Variants in MYOM1 observed in about 807,000 individuals in gnomAD.
MYOM1 encodes the protein myomesin 1, also known as myomesin-1.
A neutral mutation model predicts 205.3 loss-of-function variants in MYOM1; 164 were observed. That is an observed-to-expected ratio of 0.80 (90% CI 0.70 to 0.91). The LOEUF (loss-of-function observed/expected upper bound fraction) is 0.91, where lower values mean the gene tolerates loss of function less well. MYOM1 is among the 40% of genes least tolerant of loss of function. MYOM1 has a pLI of 0.00. For synonymous variants in MYOM1, 772 were observed against 789.4 expected, an observed-to-expected ratio of 0.98 and a Z score of 0.37; for missense variants, 2,011 against 2,127.3, an observed-to-expected ratio of 0.95 and a Z score of 1.08.
At chr18:3,214,099 T>C (rs1365432420) in intron 2 of MYOM1, among the ~76,000 whole-genome samples, 2 of 152,258 alleles carry the variant, frequency 1.3e-5, no homozygotes, top group South Asian at 2.1e-4. Context: ...TTTTATCAAA[T>C]GGTCGAGCTA....
intron 34 of MYOM1, among the ~76,000 whole-genome samples, chr18:3,077,393 A>G (rs2079031759): frequency 6.6e-6 from 1 of 152,182 alleles, no homozygotes. Flanking sequence ...TTTTAAGTCT[A>G]GAGAATGCTT....
chr18:3,125,562 C>CA (rs112746940), intron 19 of MYOM1, among the ~76,000 whole-genome samples: 242 of 73,034 alleles, frequency 3.3e-3, no homozygotes, highest in Non-Finnish European at 4.4e-3. Context: ...AACTCCATCT[C>CA]AAAAAAAAAA....
chr18:3,111,928 T>A (rs2079532960), intron 22 of MYOM1, among the ~76,000 whole-genome samples: 1 of 152,236 alleles, frequency 6.6e-6, no homozygotes, highest in Admixed American at 6.5e-5. Context: ...CTAGCTGGGC[T>A]GTTCTAGCTT....
the MYOM1 span, among the ~76,000 whole-genome samples, chr18:3,242,788 C>A: frequency 6.6e-6 from 1 of 152,210 alleles, no homozygotes; most frequent in African/African-American, 2.4e-5. Flanking sequence ...GGATTACAGG[C>A]ATGAGCCTCT....
intron 29 of MYOM1, among the ~76,000 whole-genome samples, chr18:3,088,684 T>C (rs1283026331): frequency 6.6e-6 from 1 of 152,210 alleles, no homozygotes; most frequent in African/African-American, 2.4e-5. Flanking sequence ...TTCCTGAATC[T>C]TTCCAAAGTC....
chr18:3,139,744 G>A (rs2080022506), intron 14 of MYOM1, among the ~76,000 whole-genome samples: 1 of 152,194 alleles, frequency 6.6e-6, no homozygotes, highest in Non-Finnish European at 1.5e-5. Flanking sequence ...ACATAGTACT[G>A]TGTTCATAAA....
intron 14 of MYOM1, among the ~76,000 whole-genome samples, chr18:3,139,489 C>T (rs911829568): frequency 1.6e-4 from 24 of 152,152 alleles, no homozygotes; most frequent in Non-Finnish European, 2.9e-4. Context: ...ACAGCGGTGG[C>T]CCAAGAGGCA....
At chr18:3,188,603 TG>T (rs1196298194) in intron 4 of MYOM1, 144 bp downstream of exon 4, 2 of 922,964 alleles carry the variant, frequency 2.2e-6, no homozygotes, top group African/African-American at 1.7e-5. Flanking sequence ...CACTCCAACC[TG>T]GGGGACAGAG....
At chr18:3,136,075 A>C (rs2079957197) in intron 14 of MYOM1, among the ~76,000 whole-genome samples, 1 of 151,864 alleles carries the variant, frequency 6.6e-6, no homozygotes, top group African/African-American at 2.4e-5. Flanking sequence ...AAGTCTCATG[A>C]GAGCTGATGG....
chr18:3,149,911 T>C lies in MYOM1; in HGVS notation c.1844-710A>G, dbSNP rs574247421. Reference sequence around the variant, plus strand: ...TTAGTTCAAACAAATCTTATTTTGATTGGAATTGATAAAAGAGGAGCAAAC... The same window carrying C: ...TTAGTTCAAACAAATCTTATTTTGACTGGAATTGATAAAAGAGGAGCAAAC... On this transcript the variant is annotated intron_variant, in intron 12 of 37. Coordinates refer to ENST00000356443, the MANE Select transcript of MYOM1 (RefSeq NM_003803.4). Among the ~76,000 whole-genome samples the C allele has an allele frequency of 3.3e-5, 5 of 152,124 alleles. No homozygotes were observed. The South Asian group carries it at 8.3e-4, about 25-fold the overall frequency.
intron 2 of MYOM1, among the ~76,000 whole-genome samples, chr18:3,214,403 A>G (rs1359615864): frequency 1.3e-5 from 2 of 152,216 alleles, no homozygotes; most frequent in African/African-American, 2.4e-5. Flanking sequence ...CTCGCCCGTG[A>G]GAACACCAGG....
In MYOM1 at chr18:3,214,973, C is replaced by T. The variant is rs756788476; in HGVS notation, c.251G>A (p.Arg84Gln). 8.7e-6 allele frequency: 14 copies of T among 1,608,780 alleles called. No homozygotes were observed. Among genetic ancestry groups the T allele is most frequent in the African/African-American group, 1.3e-5 (1 of 74,782 alleles). ...ATAATCGTAGGCTGAGGCTGCCTTC[C>T]GACTGACTTCAGAGCTCAGGGCGTG... ...SQHALSSEVS[R>Q]KAASAYDYGS... Residue 84 changes from arginine to glutamine, a missense_variant, in exon 2 of 38, where the codon CGG becomes CAG. Transcript: ENST00000356443.
the MYOM1 span, among the ~76,000 whole-genome samples, chr18:3,235,740 G>A: frequency 6.6e-6 from 1 of 152,228 alleles, no homozygotes; most frequent in East Asian, 1.9e-4. Context: ...TGCCTGGTGT[G>A]TTGGAAGTAA....
At chr18:3,202,428 T>C (rs977215685) in intron 2 of MYOM1, among the ~76,000 whole-genome samples, 1 of 152,052 alleles carries the variant, frequency 6.6e-6, no homozygotes, top group African/African-American at 2.4e-5. Flanking sequence ...AATCCACTTA[T>C]ATGCTGCCAC....
At chr18:3,121,699 A>C (rs1297542907) in intron 19 of MYOM1, among the ~76,000 whole-genome samples, 1 of 152,218 alleles carries the variant, frequency 6.6e-6, no homozygotes, top group Non-Finnish European at 1.5e-5. Context: ...ATAACTTCAG[A>C]CTTTAAGTTG....
intron 22 of MYOM1, 107 bp from the exon 23 acceptor site, chr18:3,102,737 C>G: frequency 1.7e-6 from 2 of 1,183,614 alleles, no homozygotes; most frequent in Non-Finnish European, 2.4e-6. Context: ...GGCCCTGATC[C>G]TAGGTCAGGG....
At position 3,129,376 on chromosome 18, in the gene MYOM1, G is replaced by C; in HGVS notation, c.2650C>G (p.Leu884Val). 1.9e-6 allele frequency: 3 copies of C among 1,614,012 alleles called. No homozygotes were observed. The highest frequency in any genetic ancestry group is 2.5e-6 in the Non-Finnish European group (3 of 1,179,880). ...CCCAGGTTTTGAGAGCTACTGGGTA[G>C]TGAAGGTTTGTTAGGTTTGCTGCCA... Reference protein sequence around the residue: ...LLGSKPNKPSLPSSSQNLGQT... With the variant: ...LLGSKPNKPSVPSSSQNLGQT... The change falls in exon 18 of 38, where the codon CTA (leucine) becomes GTA (valine). Residue 884 changes from leucine to valine, a missense_variant. Coordinates refer to ENST00000356443, the MANE Select transcript of MYOM1 (RefSeq NM_003803.4).
the MYOM1 span, among the ~76,000 whole-genome samples, chr18:3,231,359 C>T: frequency 1.3e-5 from 2 of 152,036 alleles, no homozygotes; most frequent in Admixed American, 1.3e-4. Flanking sequence ...CTAAAGTTAG[C>T]AAAGATGGGT....
At chr18:3,218,286 A>G (rs1018636928) in intron 1 of MYOM1, among the ~76,000 whole-genome samples, 2 of 152,204 alleles carry the variant, frequency 1.3e-5, no homozygotes, top group Non-Finnish European at 2.9e-5. Flanking sequence ...TTTTCTCCAA[A>G]TGTCATTTTT....
Sources: allele counts gnomAD v4.1 joint callset (sites outside exome capture counted in the v4.1 genomes callset), GRCh38; gene constraint gnomAD v4.1.1; transcripts MANE v1.5; gene names NCBI Gene and HGNC (gene_info 2026-07-23, HGNC 2026-07-21).